The following IL17RA variants were observed in gnomAD, a reference collection of about 807,000 sequenced individuals.
The protein encoded by IL17RA is interleukin-17 receptor A.
A neutral mutation model predicts 50.4 loss-of-function variants in IL17RA; 34 were observed. The observed-to-expected ratio is 0.67, with a 90% CI of 0.51 to 0.90. The LOEUF (loss-of-function observed/expected upper bound fraction) is 0.90, where lower values mean the gene tolerates loss of function less well. IL17RA is among the 40% of genes least tolerant of loss of function. The probability of loss-of-function intolerance (pLI) is 0.00; values close to 1 mark genes in which losing one functional copy is unlikely to be tolerated. For missense variants in IL17RA, 1,276 were observed against 1,169.8 expected, an observed-to-expected ratio of 1.09 and a Z score of -1.32; for synonymous variants, 585 against 510.4, an observed-to-expected ratio of 1.15 and a Z score of -1.97.
chr22:17,109,590 C>G lies in IL17RA; in HGVS notation c.2371C>G (p.Gln791Glu). Residue 791 changes from glutamine to glutamate, a missense_variant, in exon 13 of 13, where the codon CAG becomes GAG. Transcript: ENST00000319363. ...CGAGGAGGAGCAGCGGCAGTCAGTG[C>G]AGTCTGACCAGGGCTACATCTCCAG... is the stretch of plus-strand genomic sequence containing the variant. ...PYEEEQRQSV[Q>E]SDQGYISRSS... 6.2e-7 allele frequency: 1 copy of G among 1,602,146 alleles called. No homozygotes were observed. Among genetic ancestry groups the G allele is most frequent in the Non-Finnish European group, 8.5e-7 (1 of 1,174,588 alleles).
rs776930772 is a variant in IL17RA, at chr22:17,100,464, A to G, written c.533A>G (p.Lys178Arg). Reference sequence around the variant, plus strand: ...GATGGGGACCCAAACCACCAGTCCAAGAATTTCCTTGTGCCTGGTAAGAGC... The same window carrying G: ...GATGGGGACCCAAACCACCAGTCCAGGAATTTCCTTGTGCCTGGTAAGAGC... The part of the protein sequence containing the change: ...IPDGDPNHQS[K>R]NFLVPDCEHA... The change falls in exon 5 of 13, where the codon AAG becomes AGG. Residue 178 changes from lysine to arginine, a missense_variant. By Grantham distance (26) the Lys-to-Arg change is conservative (BLOSUM62 2). Transcript: ENST00000319363. 1.1e-5 allele frequency: 17 copies of G among 1,614,190 alleles called. No homozygotes were observed. The South Asian group carries it at 1.9e-4, about 18-fold the overall frequency.
intron 5 of IL17RA, among the ~76,000 whole-genome samples, chr22:17,100,988 CT>C (rs1364924624): frequency 6.6e-6 from 1 of 152,210 alleles, no homozygotes; most frequent in Non-Finnish European, 1.5e-5. Context: ...CTCAGGCATC[CT>C]TTGATGTACA....
chr22:17,102,535 C>T (rs2061395622), intron 7 of IL17RA, among the ~76,000 whole-genome samples: 1 of 151,996 alleles, frequency 6.6e-6, no homozygotes, highest in Non-Finnish European at 1.5e-5. Flanking sequence ...TTGTTCTTTC[C>T]TCCCCCACAC....
rs781687086 is a variant in IL17RA at position 17,085,273 on chromosome 22, A to ACGCGGGGCAAGGT, written c.138+50_138+62dup. 1.4e-4 allele frequency: 216 copies of ACGCGGGGCAAGGT among 1,533,890 alleles called. 2 individuals are homozygous for ACGCGGGGCAAGGT. Among genetic ancestry groups the ACGCGGGGCAAGGT allele is most frequent in the South Asian group, 1.1e-3 (93 of 83,178 alleles). On this transcript the variant is annotated intron_variant, in intron 1 of 12. Transcript: ENST00000319363. Reference sequence around the variant, plus strand: ...AGCGGTAGCCGCCAGGATGCTGCGGACGCGGGGCAAGGTCGCGGAGGGCCG... The same window carrying ACGCGGGGCAAGGT: ...AGCGGTAGCCGCCAGGATGCTGCGGACGCGGGGCAAGGTCGCGGGGCAAGGTCGCGGAGGGCCG...
intron 11 of IL17RA, 116 bp from the exon 12 acceptor site, chr22:17,107,611 C>T: frequency 1.1e-6 from 1 of 882,502 alleles, no homozygotes; most frequent in Non-Finnish European, 1.9e-6. Context: ...GCTGCTCAGT[C>T]TCGGGGCTGC....
At chr22:17,094,664 T>TCC (rs2061359826) in intron 1 of IL17RA, among the ~76,000 whole-genome samples, 1 of 37,992 alleles carries the variant, frequency 2.6e-5, no homozygotes, top group African/African-American at 1.5e-4. Context: ...ACACTCTCTC[T>TCC]CTCTCTCTCT....
rs371331750 is a variant in IL17RA at position 17,100,450 on chromosome 22, A to G, written c.519A>G (p.Pro173=). The G allele has an allele frequency of 5.0e-6, 8 of 1,614,190 alleles. No individual in the cohort carries two copies. Among genetic ancestry groups the G allele is most frequent in the Non-Finnish European group, 6.8e-6 (8 of 1,180,026 alleles). Residue 173 remains proline, a synonymous_variant, in exon 5 of 13, where the codon CCA becomes CCG. Coordinates refer to ENST00000319363, the MANE Select transcript of IL17RA (RefSeq NM_014339.7). ...CCAAGCCCATCCCTGATGGGGACCC[A>G]AACCACCAGTCCAAGAATTTCCTTG... is the stretch of plus-strand genomic sequence containing the variant. ...HLPKPIPDGD[P]NHQSKNFLVP... is the part of the protein sequence containing the mutation.
At chr22:17,098,746 G>A in intron 3 of IL17RA, 29 bp from the exon 4 acceptor site, 1 of 1,582,062 alleles carries the variant, frequency 6.3e-7, no homozygotes, top group Non-Finnish European at 8.7e-7. Flanking sequence ...ATCTGCATCT[G>A]TTTGTCTTCT....
rs775318044 is a variant in IL17RA, at chr22:17,112,411, C to A, written c.*2591C>A. The A allele has an allele frequency of 1.3e-5, 2 of 152,266 alleles. No individual in the cohort carries two copies. The highest frequency in any genetic ancestry group is 2.4e-5 in the African/African-American group (1 of 41,424). 9.4% of individuals were successfully genotyped at this position (152,266 alleles called of 1,614,324 possible). A position where few individuals can be genotyped will look rare whatever the true frequency, so the allele number is the denominator to read the frequency against. ...CAGTCAGTCTTAGAGTTTACTACCCCCAAAAGAAATCCAGCCCCCCTTAGT... is the reference window on the plus strand; with the variant it reads ...CAGTCAGTCTTAGAGTTTACTACCCACAAAAGAAATCCAGCCCCCCTTAGT... On this transcript the variant is annotated 3_prime_UTR_variant, in exon 13 of 13. Coordinates refer to ENST00000319363, the MANE Select transcript of IL17RA (RefSeq NM_014339.7).
rs34545718 is a variant in IL17RA at position 17,107,762 on chromosome 22, T to C, written c.1081T>C (p.Tyr361His). 3.7e-6 allele frequency: 6 copies of C among 1,613,546 alleles called. No homozygotes were observed. The highest frequency in any genetic ancestry group is 3.3e-5 in the Admixed American group (2 of 60,008). Residue 361 changes from tyrosine to histidine, a missense_variant, in exon 12 of 13, where the codon TAC becomes CAC. Coordinates refer to ENST00000319363, the MANE Select transcript of IL17RA (RefSeq NM_014339.7). ...TGAAAAATACAGTGATGACACCAAATACACCGGTCAGTATTTCCTGGTTTG... is the reference window on the plus strand; with the variant it reads ...TGAAAAATACAGTGATGACACCAAACACACCGGTCAGTATTTCCTGGTTTG... Reference protein sequence around the residue: ...GSEKYSDDTKYTDGLPAADLI... With the variant: ...GSEKYSDDTKHTDGLPAADLI...
At position 17,109,250 on chromosome 22, in the gene IL17RA, G is replaced by C; in HGVS notation, c.2031G>C (p.Leu677=). 6.7e-7 allele frequency: 1 copy of C among 1,491,290 alleles called. No homozygotes were observed. Among genetic ancestry groups the C allele is most frequent in the Non-Finnish European group, 8.9e-7 (1 of 1,126,814 alleles). 92.4% of individuals were successfully genotyped at this position (1,491,290 alleles called of 1,614,324 possible). The stretch of plus-strand genomic sequence containing the variant: ...TGCTCGCCGCAGAGGAGGGGGCCCT[G>C]GTGGCCGCGGTGGAGCCTGGGCCCC... ...TLVLAAEEGA[L]VAAVEPGPLA... is the part of the protein sequence containing the mutation. The change falls in exon 13 of 13, where the codon CTG becomes CTC. Residue 677 remains leucine (L), a synonymous_variant. Coordinates refer to ENST00000319363, the MANE Select transcript of IL17RA (RefSeq NM_014339.7).
chr22:17,103,691 G>A (rs1281397606), intron 8 of IL17RA, 114 bp downstream of exon 8: 3 of 833,402 alleles, frequency 3.6e-6, no homozygotes, highest in Admixed American at 2.0e-5. Flanking sequence ...AGTGGGGAGT[G>A]TGCACAGGTG....
At position 17,085,075 on chromosome 22, in the gene IL17RA, G is replaced by A. The variant is rs1454704084; in HGVS notation, c.-17G>A. On this transcript the variant is annotated 5_prime_UTR_variant, in exon 1 of 13. Transcript: ENST00000319363. ...GTCCCCAGCCGGGGCCGAGCCCTCC[G>A]CGACGCCAGCCGGGCCATGGGGGCC... 9 of 1,300,456 alleles carry A rather than the reference G, an allele frequency of 6.9e-6. No individual in the cohort carries two copies. The highest frequency in any genetic ancestry group is 3.1e-5 in the East Asian group (1 of 31,896). The allele number at this position is 1,300,456 out of a possible 1,614,324, so 80.6% of individuals were successfully genotyped here. A position where few individuals can be genotyped will look rare whatever the true frequency, so the allele number is the denominator to read the frequency against.
chr22:17,109,485 T>C lies in IL17RA; in HGVS notation c.2266T>C (p.Phe756Leu), dbSNP rs1384010727. The C allele has an allele frequency of 1.9e-6, 3 of 1,610,748 alleles. No homozygotes were observed. The South Asian group carries it at 3.3e-5, about 18-fold the overall frequency. ...EHLEGLMLSLFEQSLSCQAQG... is the reference protein window; with the variant it reads ...EHLEGLMLSLLEQSLSCQAQG... ...CCTCGAAGGCTTGATGCTCTCGCTC[T>C]TCGAGCAGAGTCTGAGCTGCCAGGC... The change falls in exon 13 of 13, where the codon TTC becomes CTC. Residue 756 changes from phenylalanine to leucine, a missense_variant. By Grantham distance (22) the Phe-to-Leu change is conservative. Transcript: ENST00000319363.
chr22:17,087,667 A>G (rs2061333110), intron 1 of IL17RA, among the ~76,000 whole-genome samples: 1 of 152,194 alleles, frequency 6.6e-6, no homozygotes, highest in Non-Finnish European at 1.5e-5. Flanking sequence ...TGATTTCCCC[A>G]CAGAAATCAT....
At position 17,103,539 on chromosome 22, in the gene IL17RA, C is replaced by G. The variant is rs2123803804; in HGVS notation, c.808C>G (p.Leu270Val). The G allele has an allele frequency of 6.2e-7, 1 of 1,613,886 alleles. No homozygotes were observed. Among genetic ancestry groups the G allele is most frequent in the Non-Finnish European group, 8.5e-7 (1 of 1,179,910 alleles). The change falls in exon 8 of 13, where the codon CTA becomes GTA. Residue 270 changes from leucine to valine, a missense_variant. Physicochemically the swap from Leu to Val is conservative, Grantham distance 32. Coordinates refer to ENST00000319363, the MANE Select transcript of IL17RA (RefSeq NM_014339.7). Reference sequence around the variant, plus strand: ...CCAGCGATCCAACGTCACACTCACTCTACGCAACCTTAAAGGGTGCTGTCG... The same window carrying G: ...CCAGCGATCCAACGTCACACTCACTGTACGCAACCTTAAAGGGTGCTGTCG... ...FHQRSNVTLT[L>V]RNLKGCCRHQ... is the part of the protein sequence containing the mutation.
Position 17,098,767 on chromosome 22 carries a change from T to A in IL17RA, c.311-8T>A. 2 of 1,611,640 alleles carry A rather than the reference T, an allele frequency of 1.2e-6. No individual in the cohort carries two copies. The highest frequency in any genetic ancestry group is 1.7e-6 in the Non-Finnish European group (2 of 1,177,732). ...ATCTGTTTGTCTTCTCTTCTCCCTCTCCTGCAGCCAGCATCCTGTACCTCG... is the reference window on the plus strand; with the variant it reads ...ATCTGTTTGTCTTCTCTTCTCCCTCACCTGCAGCCAGCATCCTGTACCTCG... On this transcript the variant is annotated splice_region_variant and splice_polypyrimidine_tract_variant and intron_variant, in intron 3 of 12. Coordinates refer to ENST00000319363, the MANE Select transcript of IL17RA (RefSeq NM_014339.7).
chr22:17,112,015 GTCTC>G lies in IL17RA; in HGVS notation c.*2198_*2201del, dbSNP rs1306615985. The G allele has an allele frequency of 6.6e-6, 1 of 152,194 alleles. No homozygotes were observed. The highest frequency in any genetic ancestry group is 1.5e-5 in the Non-Finnish European group (1 of 68,044). The allele number at this position is 152,194 out of a possible 1,614,324, so 9.4% of individuals were successfully genotyped here. On this transcript the variant is annotated 3_prime_UTR_variant, in exon 13 of 13. Transcript: ENST00000319363. ...CCCAGCCACTAGCCTTTTGGGCTCA[GTCTC>G]TCCAATAATCCTGGAGAGGGGCTTC...
chr22:17,105,588 C>G lies in IL17RA; in HGVS notation c.932-3C>G, dbSNP rs2061410679. On this transcript the variant is annotated splice_region_variant and splice_polypyrimidine_tract_variant and intron_variant, in intron 9 of 12. Coordinates refer to ENST00000319363, the MANE Select transcript of IL17RA (RefSeq NM_014339.7). ...TTCCCTTTTTCCTCTGTTCTCATTG[C>G]AGAACCAATTCCGGGTAAGCTTGGA... 1.2e-6 allele frequency: 2 copies of G among 1,613,056 alleles called. No individual in the cohort carries two copies. Among genetic ancestry groups the G allele is most frequent in the Non-Finnish European group, 1.7e-6 (2 of 1,179,112 alleles).
Sources: allele counts gnomAD v4.1 joint callset (sites outside exome capture counted in the v4.1 genomes callset), GRCh38; gene constraint gnomAD v4.1.1; transcripts MANE v1.5; gene names NCBI Gene and HGNC (gene_info 2026-07-23, HGNC 2026-07-21).